Variants in SLC45A4 observed in about 807,000 individuals in gnomAD.
SLC45A4 encodes the protein solute carrier family 45 member 4.
In SLC45A4, 32 loss-of-function variants were observed where a neutral mutation model predicts 63.7. The observed-to-expected ratio is 0.50, with a 90% CI of 0.38 to 0.67. The LOEUF (loss-of-function observed/expected upper bound fraction) is 0.67, where lower values mean the gene tolerates loss of function less well. Among genes scored for constraint, SLC45A4 ranks in the 30% least tolerant of loss-of-function variants. The pLI is 0.00. For synonymous variants in SLC45A4, 535 were observed against 510.0 expected (o/e 1.05, Z -0.66); for missense variants, 1,027 against 1,157.7 (o/e 0.89, Z 1.64).
intron 1 of SLC45A4, among the ~76,000 whole-genome samples, chr8:141,265,578 G>A (rs547646417): frequency 9.2e-5 from 14 of 152,164 alleles, no homozygotes; most frequent in Non-Finnish European, 1.3e-4. Flanking sequence ...AAAGGAAAAT[G>A]ATTCTTCTCT....
rs1347099507 is a variant in SLC45A4 at position 141,271,874 on chromosome 8, C to T, written c.-400-17245G>A. On this transcript the variant is annotated intron_variant, in intron 1 of 8. Coordinates refer to ENST00000517878, the MANE Select transcript of SLC45A4 (RefSeq NM_001286646.2). Reference sequence around the variant, plus strand: ...ACACACACACACACGCACTCACACACGTGCATGCAACACACACCTGCGTAC... The same window carrying T: ...ACACACACACACACGCACTCACACATGTGCATGCAACACACACCTGCGTAC... 2.6e-5 allele frequency among the ~76,000 whole-genome samples: 4 copies of T among 151,956 alleles called. No homozygotes were observed. In the South Asian group the frequency reaches 8.3e-4, roughly 32 times the overall value.
rs895299554 is a variant in SLC45A4 at position 141,212,637 on chromosome 8, C to T, written c.1942-81G>A. The T allele has an allele frequency of 1.1e-5, 16 of 1,456,872 alleles. No homozygotes were observed. The South Asian group carries it at 2.1e-4, about 19-fold the overall frequency. 90.2% of individuals were successfully genotyped at this position (1,456,872 alleles called of 1,614,324 possible). On this transcript the variant is annotated intron_variant, in intron 7 of 8. Coordinates refer to ENST00000517878, the MANE Select transcript of SLC45A4 (RefSeq NM_001286646.2). ...TGCTTCACAACTGTGAGTATTAACC[C>T]ACAAGCCTGGAAACATGACCCGTCT...
intron 1 of SLC45A4, among the ~76,000 whole-genome samples, chr8:141,286,505 G>C (rs1395237550): frequency 6.6e-6 from 1 of 152,162 alleles, no homozygotes. Context: ...TTCCAGATGA[G>C]GGCAGGTGCA....
At chr8:141,211,815 A>G in intron 8 of SLC45A4, 118 bp from the exon 9 acceptor site, 1 of 1,326,666 alleles carries the variant, frequency 7.5e-7, no homozygotes. Context: ...ATAATTTTAG[A>G]AATGCAAAAT....
At chr8:141,297,598 C>A (rs1830603422) in intron 1 of SLC45A4, among the ~76,000 whole-genome samples, 1 of 152,248 alleles carries the variant, frequency 6.6e-6, no homozygotes, top group Non-Finnish European at 1.5e-5. Context: ...GGGCCCTTAT[C>A]AGCACACAGC....
At chr8:141,216,603 G>A (rs1826169186) in intron 6 of SLC45A4, among the ~76,000 whole-genome samples, 1 of 152,198 alleles carries the variant, frequency 6.6e-6, no homozygotes, top group African/African-American at 2.4e-5. Flanking sequence ...CAGAGTCCAG[G>A]CAGGCCAGCC....
Position 141,219,702 on chromosome 8 carries a change from C to G in SLC45A4, c.558G>C (p.Val186=), listed in dbSNP as rs1826464745. Residue 186 remains valine, a synonymous_variant, in exon 4 of 9, where the codon GTG becomes GTC. Coordinates refer to ENST00000517878, the MANE Select transcript of SLC45A4 (RefSeq NM_001286646.2). The part of the protein sequence containing the change: ...EGPIRAYLLD[V]VDSEEQDMAL... ...CCATGTCCTGCTCCTCGCTGTCCAC[C>G]ACGTCCAGCAGATAGGCACGGATGG... 6.2e-7 allele frequency: 1 copy of G among 1,612,368 alleles called. No homozygotes were observed. The highest frequency in any genetic ancestry group is 1.7e-5 in the Admixed American group (1 of 59,882).
Position 141,228,232 on chromosome 8 carries a change from C to G in SLC45A4, c.242-6467G>C. On this transcript the variant is annotated intron_variant, in intron 2 of 8. Transcript: ENST00000517878. ...CAGTGGACTCACAAGGGTCTTTGGA[C>G]GGGACAGCCCTGAGGCTGGGCTTGC... 6.2e-7 allele frequency: 1 copy of G among 1,614,046 alleles called. No homozygotes were observed. Among genetic ancestry groups the G allele is most frequent in the South Asian group, 1.1e-5 (1 of 91,088 alleles).
At chr8:141,280,120 C>T (rs1255952937) in intron 1 of SLC45A4, among the ~76,000 whole-genome samples, 1 of 152,236 alleles carries the variant, frequency 6.6e-6, no homozygotes, top group Admixed American at 6.5e-5. Context: ...GCCCCTCACC[C>T]CGTGTCACAC....
chr8:141,286,385 C>T (rs959189978), intron 1 of SLC45A4, among the ~76,000 whole-genome samples: 1 of 152,144 alleles, frequency 6.6e-6, no homozygotes, highest in East Asian at 1.9e-4. Flanking sequence ...CTCACATGCG[C>T]GGTTGTTACA....
chr8:141,234,275 C>T (rs1827508830), intron 2 of SLC45A4, among the ~76,000 whole-genome samples: 2 of 152,220 alleles, frequency 1.3e-5, no homozygotes, highest in African/African-American at 4.8e-5. Context: ...CATTCACCGT[C>T]AGGACCTCAA....
intron 1 of SLC45A4, among the ~76,000 whole-genome samples, chr8:141,286,228 T>C (rs1830140080): frequency 6.6e-6 from 1 of 152,164 alleles, no homozygotes; most frequent in African/African-American, 2.4e-5. Flanking sequence ...AGGTGAGGTA[T>C]GGGCTTGTGA....
rs773394004 is a variant in SLC45A4 at position 141,218,399 on chromosome 8, C to T, written c.1241G>A (p.Arg414Gln). 12 of 1,609,404 alleles carry T rather than the reference C, an allele frequency of 7.5e-6. No homozygotes were observed. The highest frequency in any genetic ancestry group is 1.3e-5 in the African/African-American group (1 of 74,930). The part of the protein sequence containing the change: ...KPSATSSSMR[R>Q]RRHAFRRQAS... ...CTGCCTGCGGAACGCGTGCCGCCGC[C>T]GCCGCATGGAGCTCGACGTGGCCGA... is the stretch of plus-strand genomic sequence containing the variant. The change falls in exon 5 of 9, where the codon CGG becomes CAG. Residue 414 changes from arginine to glutamine, a missense_variant. Coordinates refer to ENST00000517878, the MANE Select transcript of SLC45A4 (RefSeq NM_001286646.2).
At chr8:141,228,191 T>C in intron 2 of SLC45A4, 1 of 1,614,044 alleles carries the variant, frequency 6.2e-7, no homozygotes, top group East Asian at 2.2e-5. Flanking sequence ...TTCTGAAGAC[T>C]CCATTGATTT....
intron 1 of SLC45A4, among the ~76,000 whole-genome samples, chr8:141,294,456 G>C (rs1352981487): frequency 6.6e-6 from 1 of 152,232 alleles, no homozygotes; most frequent in African/African-American, 2.4e-5. Context: ...AGCACTGCAG[G>C]CAGATGGCCA....
rs116483616 is a variant in SLC45A4, at chr8:141,266,865, T to G, written c.-400-12236A>C. On this transcript the variant is annotated intron_variant, in intron 1 of 8. Transcript: ENST00000517878. The stretch of plus-strand genomic sequence containing the variant: ...AAGAGGGCCCAGATGTTGAAGTGCC[T>G]TATTCCCACAAATGTCCGCCATCAC... Among the ~76,000 whole-genome samples, 814 of 152,340 alleles carry G rather than the reference T, an allele frequency of 5.3e-3. 14 individuals are homozygous for G. The highest frequency in any genetic ancestry group is 0.019 in the African/African-American group (777 of 41,570).
intron 1 of SLC45A4, among the ~76,000 whole-genome samples, chr8:141,289,550 G>A (rs1302479580): frequency 6.6e-6 from 1 of 152,204 alleles, no homozygotes; most frequent in African/African-American, 2.4e-5. Context: ...TTGTACAAAT[G>A]GGTATGACTG....
intron 1 of SLC45A4, among the ~76,000 whole-genome samples, chr8:141,274,917 C>G (rs576538686): frequency 1.5e-4 from 23 of 152,328 alleles, no homozygotes; most frequent in African/African-American, 4.8e-4. Flanking sequence ...GAAAAGGGGG[C>G]CCCAGGGGCA....
At chr8:141,231,842 A>C (rs1334846853) in intron 2 of SLC45A4, among the ~76,000 whole-genome samples, 2 of 152,218 alleles carry the variant, frequency 1.3e-5, no homozygotes, top group Admixed American at 1.3e-4. Flanking sequence ...GGCCCAGTAC[A>C]CAGCGACGCC....
Sources: allele counts gnomAD v4.1 joint callset (sites outside exome capture counted in the v4.1 genomes callset), GRCh38; gene constraint gnomAD v4.1.1; transcripts MANE v1.5; gene names NCBI Gene and HGNC (gene_info 2026-07-23, HGNC 2026-07-21).